The following CORO7 variants were observed in gnomAD, a reference collection of about 807,000 sequenced individuals.
CORO7 encodes the protein coronin-7.
In CORO7, 107 loss-of-function variants were observed where a neutral mutation model predicts 126.6. That is an observed-to-expected ratio of 0.85 (90% CI 0.72 to 0.99). The LOEUF (loss-of-function observed/expected upper bound fraction) is 0.99. Ranked by LOEUF, CORO7 falls within the 50% of genes least tolerant of loss-of-function variation. CORO7 has a pLI of 0.00. For missense variants in CORO7, 1,314 were observed against 1,255.8 expected (o/e 1.05, Z -0.70); for synonymous variants, 603 against 536.8 (o/e 1.12, Z -1.70).
intron 9 of CORO7, among the ~76,000 whole-genome samples, chr16:4,376,640 G>T (rs2054741168): frequency 6.6e-6 from 1 of 152,160 alleles, no homozygotes; most frequent in African/African-American, 2.4e-5. Context: ...GTCCCCGCCT[G>T]ACCCTGGGCG....
At chr16:4,376,641 A>C (rs2054741260) in intron 9 of CORO7, among the ~76,000 whole-genome samples, 2 of 151,962 alleles carry the variant, frequency 1.3e-5, no homozygotes, top group African/African-American at 4.8e-5. Context: ...TCCCCGCCTG[A>C]CCCTGGGCGT....
intron 6 of CORO7, among the ~76,000 whole-genome samples, chr16:4,395,870 T>C (rs1355831396): frequency 6.6e-6 from 1 of 152,244 alleles, no homozygotes. Context: ...TCGGCAGTTA[T>C]TGATTCAGAT....
intron 9 of CORO7, chr16:4,382,042 G>T (rs781707371): frequency 1.9e-6 from 3 of 1,594,462 alleles, no homozygotes; most frequent in Non-Finnish European, 1.7e-6. Context: ...GGCCACTGAG[G>T]CCCCCAGCCC....
intron 9 of CORO7, among the ~76,000 whole-genome samples, chr16:4,367,827 G>A (rs1438058943): frequency 6.6e-6 from 1 of 152,056 alleles, no homozygotes; most frequent in Non-Finnish European, 1.5e-5. Context: ...GACGGGAAGG[G>A]GCCTGGTGCA....
chr16:4,415,749 T>A, intron 1 of CORO7: 1 of 985,128 alleles, frequency 1.0e-6, no homozygotes, highest in Non-Finnish European at 1.2e-6. Flanking sequence ...AGAGCTGACA[T>A]CGTTTCCAAG....
chr16:4,412,777 C>T, intron 2 of CORO7: 1 of 333,376 alleles, frequency 3.0e-6, no homozygotes. Context: ...CCCAAGGTGG[C>T]AGAGCTGAGA....
intron 9 of CORO7, among the ~76,000 whole-genome samples, chr16:4,370,979 T>A (rs1389349245): frequency 6.6e-6 from 1 of 151,742 alleles, no homozygotes; most frequent in African/African-American, 2.4e-5. Context: ...GAGGGCAGAG[T>A]GTTTTCCTGG....
At chr16:4,370,801 G>A (rs556670299) in intron 9 of CORO7, among the ~76,000 whole-genome samples, 11 of 116,126 alleles carry the variant, frequency 9.5e-5, no homozygotes, top group Non-Finnish European at 2.2e-4. Context: ...CAGCCTCCCA[G>A]GGATAAGCCT....
At chr16:4,413,168 T>C (rs1169930836) in intron 2 of CORO7, 140 bp downstream of exon 2, 4 of 803,894 alleles carry the variant, frequency 5.0e-6, no homozygotes, top group Non-Finnish European at 7.7e-6. Flanking sequence ...AGGTCTGGCA[T>C]GGGGCTCACC....
chr16:4,365,095 C>G (rs1489953542), intron 10 of CORO7, 35 bp from the exon 11 acceptor site: 9 of 1,570,302 alleles, frequency 5.7e-6, no homozygotes, highest in Admixed American at 1.9e-5. Context: ...CGTTTGCTGA[C>G]TGAACCCCTG....
At chr16:4,400,835 T>C (rs1438622118) in intron 6 of CORO7, among the ~76,000 whole-genome samples, 1 of 73,430 alleles carries the variant, frequency 1.4e-5, no homozygotes, top group Non-Finnish European at 3.3e-5. Context: ...AATAATAATG[T>C]TTACCATTGG....
intron 2 of CORO7, among the ~76,000 whole-genome samples, 158 bp downstream of exon 2, chr16:4,413,150 G>A (rs2056275578): frequency 6.6e-6 from 1 of 152,140 alleles, no homozygotes; most frequent in African/African-American, 2.4e-5. Context: ...CCAGTTTGTG[G>A]GGGTCTAAGG....
chr16:4,382,609 A>G (rs754060547), intron 9 of CORO7: 102 of 1,587,774 alleles, frequency 6.4e-5, no homozygotes, highest in Non-Finnish European at 8.5e-5. Flanking sequence ...GCCGCTCCTC[A>G]TTGCGCCCGC....
rs1289572970 is a variant in CORO7 at position 4,364,882 on chromosome 16, C to A, written c.937G>T (p.Ala313Ser). Residue 313 changes from alanine (A) to serine (S), a missense_variant, in exon 12 of 28, where the codon GCC becomes TCC. Coordinates refer to ENST00000251166, the MANE Select transcript of CORO7 (RefSeq NM_024535.5). ...CVLESVLRGA[A>S]LVPRQALAVM... is the part of the protein sequence containing the mutation. ...GCCAGCGCCTGCCGGGGCACAAGGG[C>A]AGCCCCACGCAGCACGCTCTCCAGG... 6.2e-7 allele frequency: 1 copy of A among 1,611,492 alleles called. No individual in the cohort carries two copies. The highest frequency in any genetic ancestry group is 8.5e-7 in the Non-Finnish European group (1 of 1,179,478).
At chr16:4,405,020 C>T (rs1245133640) in intron 6 of CORO7, among the ~76,000 whole-genome samples, 7 of 152,174 alleles carry the variant, frequency 4.6e-5, no homozygotes, top group South Asian at 2.1e-4. Flanking sequence ...CCTGAGGCCA[C>T]GCGTCCCTGG....
At chr16:4,379,285 C>T (rs1008064509) in intron 9 of CORO7, among the ~76,000 whole-genome samples, 1 of 152,074 alleles carries the variant, frequency 6.6e-6, no homozygotes, top group Non-Finnish European at 1.5e-5. Flanking sequence ...GCTGGCACCC[C>T]GTATGAGGCT....
chr16:4,407,859 C>T (rs1341987100), intron 4 of CORO7, among the ~76,000 whole-genome samples, 175 bp from the exon 5 acceptor site: 3 of 152,192 alleles, frequency 2.0e-5, no homozygotes, highest in Non-Finnish European at 4.4e-5. Context: ...GGGCTGCATA[C>T]CCCACATCCG....
intron 9 of CORO7, chr16:4,380,778 A>G (rs1393710672): frequency 1.5e-6 from 2 of 1,327,120 alleles, no homozygotes; most frequent in Non-Finnish European, 1.0e-6. Context: ...TGGGGGCAGA[A>G]GCAGTGAATT....
chr16:4,382,259 C>T (rs770770837), intron 9 of CORO7: 1 of 1,608,324 alleles, frequency 6.2e-7, no homozygotes, highest in Non-Finnish European at 8.5e-7. Flanking sequence ...CCGAGGCCAC[C>T]ACGGTCCCTG....
Sources: allele counts gnomAD v4.1 joint callset (sites outside exome capture counted in the v4.1 genomes callset), GRCh38; gene constraint gnomAD v4.1.1; transcripts MANE v1.5; gene names NCBI Gene and HGNC (gene_info 2026-07-23, HGNC 2026-07-21).